Variants in INTS2 observed in about 807,000 individuals in gnomAD.
INTS2 encodes KIAA1287.
A neutral mutation model predicts 139.6 loss-of-function variants in INTS2; 57 were observed. That is an observed-to-expected ratio of 0.41 (90% confidence interval 0.33 to 0.51). INTS2 has a LOEUF of 0.51. Ranked by LOEUF, INTS2 falls within the 20% of genes least tolerant of loss-of-function variation. The probability of loss-of-function intolerance (pLI) is 0.28; values close to 1 mark genes in which losing one functional copy is unlikely to be tolerated. For missense variants in INTS2, 1,196 were observed against 1,436.7 expected (o/e 0.83, Z 2.71); for synonymous variants, 473 against 493.4 (o/e 0.96, Z 0.55).
intron 18 of INTS2, among the ~76,000 whole-genome samples, chr17:61,877,123 C>CTT (rs2079133399): frequency 6.6e-6 from 1 of 152,122 alleles, no homozygotes; most frequent in Non-Finnish European, 1.5e-5. Context: ...AGAGAGCTAA[C>CTT]TAACCTTCAC....
At chr17:61,879,776 G>A (rs2079161345) in intron 17 of INTS2, among the ~76,000 whole-genome samples, 1 of 152,034 alleles carries the variant, frequency 6.6e-6, no homozygotes, top group South Asian at 2.1e-4. Flanking sequence ...TAGAGCATGA[G>A]AGGCAATGAG....
intron 5 of INTS2, among the ~76,000 whole-genome samples, chr17:61,918,829 T>G (rs2079608507): frequency 6.6e-6 from 1 of 152,096 alleles, no homozygotes; most frequent in African/African-American, 2.4e-5. Flanking sequence ...CATTTCTCAT[T>G]ATACATATCC....
rs1336125050 is a variant in INTS2 at position 61,875,079 on chromosome 17, A to G, written c.2457-41T>C. The stretch of plus-strand genomic sequence containing the variant: ...TCACATGTTCAAAACAGTTTTTTAT[A>G]TATTAAAATCTGTAGCCATCCAGTC... On this transcript the variant is annotated intron_variant, in intron 18 of 24. Transcript: ENST00000251334. The surrounding 1 kb of genome is among the most constrained non-coding windows in gnomAD (Gnocchi z 4.6). The G allele has an allele frequency of 5.5e-6, 8 of 1,465,132 alleles. No homozygotes were observed. Among genetic ancestry groups the G allele is most frequent in the Non-Finnish European group, 5.5e-6 (6 of 1,092,256 alleles). The allele number at this position is 1,465,132 out of a possible 1,614,324, so 90.8% of individuals were successfully genotyped here. A position where few individuals can be genotyped will look rare whatever the true frequency, so the allele number is the denominator to read the frequency against.
At position 61,882,737 on chromosome 17, in the gene INTS2, TTA is replaced by T. The variant is rs1255024886; in HGVS notation, c.2090-1568_2090-1567del. The stretch of plus-strand genomic sequence containing the variant: ...GAGCAAGATGCTGTCTCAAAAAAAA[TTA>T]TGACACCATAAAAATGCCTATTTAG... On this transcript the variant is annotated intron_variant, in intron 16 of 24. Coordinates refer to ENST00000251334, the MANE Select transcript of INTS2 (RefSeq NM_001351695.2). The surrounding 1 kb of genome is among the most constrained non-coding windows in gnomAD (Gnocchi z 4.7). Among the ~76,000 whole-genome samples, 1 of 152,006 alleles carries T rather than the reference TTA, an allele frequency of 6.6e-6. No individual in the cohort carries two copies. The highest frequency in any genetic ancestry group is 2.4e-5 in the African/African-American group (1 of 41,386).
chr17:61,908,911 T>C (rs2079494320), intron 7 of INTS2, among the ~76,000 whole-genome samples: 1 of 152,132 alleles, frequency 6.6e-6, no homozygotes, highest in African/African-American at 2.4e-5. Context: ...CTAAGCAGTA[T>C]ACATGTTGTC....
chr17:61,891,416 A>G (rs1567899872), intron 14 of INTS2, 97 bp downstream of exon 14: 1 of 896,994 alleles, frequency 1.1e-6, no homozygotes, highest in Non-Finnish European at 1.8e-6. Context: ...ATTCAGAACT[A>G]CCTAGAAGTC....
At position 61,912,049 on chromosome 17, in the gene INTS2, T is replaced by G. The variant is rs994428531; in HGVS notation, c.671A>C (p.Asn224Thr). ...FNEVCRGLIK[N>T]GERQDEESLG... is the part of the protein sequence containing the mutation. ...ACTTTCTTCATCTTGTCGTTCTCCA[T>G]TTTTTATCAGGCCCCTACAAACTAA... The change falls in exon 6 of 25, where the codon AAT becomes ACT. Residue 224 changes from asparagine to threonine, a missense_variant. Transcript: ENST00000251334. 1.9e-6 allele frequency: 3 copies of G among 1,613,342 alleles called. No individual in the cohort carries two copies. The highest frequency in any genetic ancestry group is 2.5e-6 in the Non-Finnish European group (3 of 1,179,514).
intron 18 of INTS2, among the ~76,000 whole-genome samples, chr17:61,877,310 T>C (rs1160430934): frequency 1.3e-5 from 2 of 152,224 alleles, no homozygotes; most frequent in Admixed American, 1.3e-4. Context: ...AGACCTTATA[T>C]ACTACTTAAC....
intron 5 of INTS2, among the ~76,000 whole-genome samples, chr17:61,915,064 C>T (rs919150292): frequency 2.6e-5 from 4 of 151,214 alleles, no homozygotes; most frequent in East Asian, 2.0e-4. Context: ...ATTAGCCGGG[C>T]GCGGTGGCTC....
At chr17:61,912,104 A>C in intron 5 of INTS2, 34 bp from the exon 6 acceptor site, 1 of 1,603,612 alleles carries the variant, frequency 6.2e-7, no homozygotes, top group South Asian at 1.1e-5. Context: ...TTCAGCCTTC[A>C]GAATTAATTG....
Position 61,907,509 on chromosome 17 carries a change from C to T in INTS2, c.1080G>A (p.Glu360=). ...GCCCCGAATACACAGACACATTGGGCTCCATATCCACATCAGCTTCTTCCA... is the reference window on the plus strand; with the variant it reads ...GCCCCGAATACACAGACACATTGGGTTCCATATCCACATCAGCTTCTTCCA... ...RIVEEADVDM[E]PNVSVYSGLK... is the part of the protein sequence containing the mutation. The change falls in exon 8 of 25, where the codon GAG becomes GAA. Residue 360 remains glutamate (E), a synonymous_variant. Coordinates refer to ENST00000251334, the MANE Select transcript of INTS2 (RefSeq NM_001351695.2). 1 of 1,601,478 alleles carries T rather than the reference C, an allele frequency of 6.2e-7. No homozygotes were observed. The highest frequency in any genetic ancestry group is 8.5e-7 in the Non-Finnish European group (1 of 1,174,092).
chr17:61,915,134 C>T (rs1444063760), intron 5 of INTS2, among the ~76,000 whole-genome samples: 1 of 151,702 alleles, frequency 6.6e-6, no homozygotes, highest in Non-Finnish European at 1.5e-5. Flanking sequence ...GTCAGGAGAT[C>T]AAGACCATCC....
intron 2 of INTS2, among the ~76,000 whole-genome samples, chr17:61,925,377 G>A (rs1464823762): frequency 2.0e-5 from 3 of 151,614 alleles, no homozygotes; most frequent in Non-Finnish European, 2.9e-5. Flanking sequence ...TTGGGAGTTC[G>A]AGACCAGCCT....
intron 8 of INTS2, among the ~76,000 whole-genome samples, chr17:61,904,978 G>T (rs1303636875): frequency 7.0e-6 from 1 of 143,478 alleles, no homozygotes; most frequent in African/African-American, 2.6e-5. Context: ...ACAAGGTCTT[G>T]CTCCATCGCC....
At position 61,893,585 on chromosome 17, in the gene INTS2, C is replaced by T. The variant is rs1287973514; in HGVS notation, c.1698+180G>A. 6.6e-6 allele frequency among the ~76,000 whole-genome samples: 1 copy of T among 152,034 alleles called. No individual in the cohort carries two copies. The highest frequency in any genetic ancestry group is 1.5e-5 in the Non-Finnish European group (1 of 68,004). The stretch of plus-strand genomic sequence containing the variant: ...TGGCACACACCTGTAGTCCCAGCTA[C>T]CTGGGAGGTTGAGGCAGGAGAATCA... On this transcript the variant is annotated intron_variant, in intron 13 of 24. Transcript: ENST00000251334. This position sits in a 1 kb window ranked among gnomAD's most constrained non-coding sequence, Gnocchi z 5.4.
At position 61,889,977 on chromosome 17, in the gene INTS2, T is replaced by TA; in HGVS notation, c.1876-84dup. The TA allele has an allele frequency of 5.0e-6, 4 of 805,854 alleles. No individual in the cohort carries two copies. In the African/African-American group the frequency reaches 5.1e-5, roughly 10 times the overall value. The allele number at this position is 805,854 out of a possible 1,614,324, so 49.9% of individuals were successfully genotyped here. On this transcript the variant is annotated intron_variant, in intron 14 of 24. Coordinates refer to ENST00000251334, the MANE Select transcript of INTS2 (RefSeq NM_001351695.2). ...TTTCTTGATAGTAAAAGAATCAAAA[T>TA]AGACTATTCAGCATTGCTGCTCCTA...
Position 61,866,574 on chromosome 17 carries a change from C to CT in INTS2, c.*982dup, listed in dbSNP as rs1293283027. The CT allele has an allele frequency of 1.3e-5, 2 of 152,050 alleles. No homozygotes were observed. Among genetic ancestry groups the CT allele is most frequent in the African/African-American group, 4.8e-5 (2 of 41,390 alleles). The allele number at this position is 152,050 out of a possible 1,614,324, so 9.4% of individuals were successfully genotyped here. A position where few individuals can be genotyped will look rare whatever the true frequency, so the allele number is the denominator to read the frequency against. On this transcript the variant is annotated 3_prime_UTR_variant, in exon 25 of 25. Transcript: ENST00000251334. ...CTTCGGCAAGACAATATTTTCTACA[C>CT]TTTAACTTTTCCTCAGGTTCAAACA...
intron 6 of INTS2, 61 bp downstream of exon 6, chr17:61,911,879 T>C: frequency 1.9e-6 from 3 of 1,552,354 alleles, no homozygotes; most frequent in Non-Finnish European, 1.7e-6. Context: ...AAAACCATCT[T>C]GAGAAGAGTT....
chr17:61,903,849 G>A (rs1217608371), intron 9 of INTS2, among the ~76,000 whole-genome samples: 1 of 152,030 alleles, frequency 6.6e-6, no homozygotes, highest in Non-Finnish European at 1.5e-5. Context: ...GGAGAAAAAA[G>A]ACAGAGAACT....
Sources: allele counts gnomAD v4.1 joint callset (sites outside exome capture counted in the v4.1 genomes callset), GRCh38; gene constraint gnomAD v4.1.1; non-coding constraint Gnocchi (gnomAD v3.1); transcripts MANE v1.5; gene names NCBI Gene and HGNC (gene_info 2026-07-23, HGNC 2026-07-21).